PDE10A: variants seen among roughly 807,000 people sequenced by gnomAD.
The protein encoded by PDE10A is phosphodiesterase 10A.
Under a neutral mutation model 97.7 loss-of-function variants are expected in PDE10A, and 39 were observed. The ratio of observed to expected loss-of-function variants is 0.40; its 90% CI spans 0.31 to 0.52. PDE10A has a LOEUF of 0.52. Among genes scored for constraint, PDE10A ranks in the 20% least tolerant of loss-of-function variants. The pLI, the probability that PDE10A is intolerant of heterozygous loss-of-function variation, is 0.56. For synonymous variants in PDE10A, 371 were observed against 376.8 expected, an observed-to-expected ratio of 0.98 and a Z score of 0.18; for missense variants, 731 against 1,047.8, an observed-to-expected ratio of 0.70 and a Z score of 4.17.
intron 1 of PDE10A, among the ~76,000 whole-genome samples, chr6:165,887,679 T>C (rs1296039160): frequency 1.3e-5 from 2 of 152,174 alleles, no homozygotes; most frequent in Non-Finnish European, 2.9e-5. Context: ...CATCATCAAA[T>C]CATGTTGGTT....
chr6:165,733,879 A>G (rs947592571), intron 1 of PDE10A, among the ~76,000 whole-genome samples: 1 of 152,178 alleles, frequency 6.6e-6, no homozygotes, highest in Non-Finnish European at 1.5e-5. Context: ...GGAAGAAAAA[A>G]AAAAACTGGG....
At chr6:165,863,255 G>C (rs1463075114) in intron 1 of PDE10A, among the ~76,000 whole-genome samples, 3 of 152,050 alleles carry the variant, frequency 2.0e-5, no homozygotes, top group African/African-American at 7.2e-5. Context: ...TTTCATTTCG[G>C]GTTGCTCTAA....
intron 1 of PDE10A, among the ~76,000 whole-genome samples, chr6:165,621,556 G>C (rs989814188): frequency 6.6e-6 from 1 of 152,132 alleles, no homozygotes. Context: ...AGGAGTTCAA[G>C]ATGAGCCTGG....
At chr6:165,978,919 T>C (rs1306755721) in intron 1 of PDE10A, among the ~76,000 whole-genome samples, 1 of 152,168 alleles carries the variant, frequency 6.6e-6, no homozygotes, top group Non-Finnish European at 1.5e-5. Context: ...ATAATAATTC[T>C]GTGTGCCAGA....
chr6:165,445,343 T>C (rs1008702160), intron 5 of PDE10A, among the ~76,000 whole-genome samples: 4 of 152,122 alleles, frequency 2.6e-5, no homozygotes, highest in Non-Finnish European at 5.9e-5. Flanking sequence ...CACAGAAATC[T>C]AAAAGGAAGT....
At chr6:165,371,962 A>G (rs1275860132) in intron 18 of PDE10A, among the ~76,000 whole-genome samples, 6 of 151,346 alleles carry the variant, frequency 4.0e-5, no homozygotes, top group East Asian at 1.9e-4. Flanking sequence ...TATAAACAGA[A>G]CCAAAGACAA....
intron 1 of PDE10A, among the ~76,000 whole-genome samples, chr6:165,658,310 T>C (rs957475135): frequency 6.6e-6 from 1 of 152,202 alleles, no homozygotes; most frequent in East Asian, 1.9e-4. Flanking sequence ...AGCATACACA[T>C]CTCCTGTTTT....
chr6:165,968,956 A>T (rs929766149), intron 1 of PDE10A, among the ~76,000 whole-genome samples: 1 of 152,266 alleles, frequency 6.6e-6, no homozygotes, highest in South Asian at 2.1e-4. Flanking sequence ...TGCACTTAAG[A>T]ATCATCACCC....
intron 17 of PDE10A, among the ~76,000 whole-genome samples, chr6:165,380,625 A>G (rs1412608732): frequency 1.3e-5 from 2 of 152,234 alleles, no homozygotes; most frequent in Non-Finnish European, 2.9e-5. Context: ...CTTTCAAATT[A>G]TAAAACTTAT....
intron 2 of PDE10A, among the ~76,000 whole-genome samples, chr6:165,491,191 C>G (rs1780206269): frequency 6.6e-6 from 1 of 152,048 alleles, no homozygotes; most frequent in African/African-American, 2.4e-5. Context: ...AAGAACTAGT[C>G]CAACAGAAAA....
chr6:165,732,758 G>A (rs955338904), intron 1 of PDE10A, among the ~76,000 whole-genome samples: 11 of 152,190 alleles, frequency 7.2e-5, no homozygotes, highest in Admixed American at 7.2e-4. Flanking sequence ...CAGTAGCTCT[G>A]GAGTCTCCAC....
intron 2 of PDE10A, among the ~76,000 whole-genome samples, chr6:165,515,118 G>A (rs189709843): frequency 3.3e-4 from 50 of 152,280 alleles, no homozygotes; most frequent in African/African-American, 1.1e-3. Flanking sequence ...GATGTTATCT[G>A]TCTTACTTAT....
intron 1 of PDE10A, among the ~76,000 whole-genome samples, chr6:165,544,115 A>G (rs1025784539): frequency 1.3e-5 from 2 of 152,230 alleles, no homozygotes; most frequent in African/African-American, 4.8e-5. Flanking sequence ...AGTAGTAAAC[A>G]GGAAAATGTA....
At chr6:165,713,601 A>G (rs1160750255) in intron 1 of PDE10A, among the ~76,000 whole-genome samples, 1 of 152,154 alleles carries the variant, frequency 6.6e-6, no homozygotes, top group Non-Finnish European at 1.5e-5. Flanking sequence ...ATAAGGTTTG[A>G]CGACAAAGAA....
chr6:165,405,636 G>A (rs745574209), intron 13 of PDE10A, among the ~76,000 whole-genome samples: 2 of 152,186 alleles, frequency 1.3e-5, no homozygotes, highest in Non-Finnish European at 2.9e-5. Context: ...AGGGAACTAA[G>A]GCTCAAGAAC....
intron 1 of PDE10A, among the ~76,000 whole-genome samples, chr6:165,586,845 G>C (rs1785942119): frequency 6.6e-6 from 1 of 152,022 alleles, no homozygotes; most frequent in African/African-American, 2.4e-5. Context: ...ATCTACAGCA[G>C]TCTTTCTTAT....
chr6:165,740,887 G>C (rs1364586968), intron 1 of PDE10A, among the ~76,000 whole-genome samples: 1 of 152,122 alleles, frequency 6.6e-6, no homozygotes, highest in Non-Finnish European at 1.5e-5. Flanking sequence ...AAGAAGATGG[G>C]GAGATGTTGG....
intron 1 of PDE10A, among the ~76,000 whole-genome samples, chr6:165,923,525 C>T (rs1272032109): frequency 3.3e-5 from 5 of 152,194 alleles, no homozygotes; most frequent in Non-Finnish European, 7.3e-5. Context: ...AGCAGTGCCC[C>T]CTCCTTAGTT....
chr6:165,907,031 T>C (rs1406871233), intron 1 of PDE10A, among the ~76,000 whole-genome samples: 1 of 152,196 alleles, frequency 6.6e-6, no homozygotes, highest in Non-Finnish European at 1.5e-5. Context: ...GACCCTTTCT[T>C]TACGGGCCAG....
Sources: gnomAD v4.1 joint callset for allele counts (sites outside exome capture counted in the v4.1 genomes callset) on GRCh38, gnomAD v4.1.1 for gene constraint, MANE v1.5 for transcripts, NCBI Gene and HGNC (gene_info 2026-07-23, HGNC 2026-07-21) for gene names.